Variants in LRP1B observed in about 807,000 individuals in gnomAD.
The protein encoded by LRP1B is LDL receptor related protein 1B.
LRP1B carries 217 observed loss-of-function variants against 556.6 expected under a neutral mutation model. The observed-to-expected ratio is 0.39, with a 90% CI of 0.35 to 0.44. The LOEUF is 0.44. Ranked by LOEUF, LRP1B falls within the 20% of genes least tolerant of loss-of-function variation. LRP1B has a pLI of 1.00. For missense variants in LRP1B, 5,053 were observed against 5,620.8 expected, an observed-to-expected ratio of 0.90 and a Z score of 3.23; for synonymous variants, 2,047 against 1,865.8, an observed-to-expected ratio of 1.10 and a Z score of -2.50.
At chr2:140,331,790 G>C (rs571321452) in intron 79 of LRP1B, among the ~76,000 whole-genome samples, 137 of 151,546 alleles carry the variant, frequency 9.0e-4, no homozygotes, top group Admixed American at 3.0e-3. Context: ...CCGCCTCCTG[G>C]GTTCAAGCAA....
intron 35 of LRP1B, among the ~76,000 whole-genome samples, chr2:140,735,228 A>G (rs1687907401): frequency 6.6e-6 from 1 of 152,186 alleles, no homozygotes; most frequent in Non-Finnish European, 1.5e-5. Context: ...GCTAAGGGGG[A>G]ACATCCTTGC....
At chr2:142,100,764 A>C (rs1706542176) in intron 1 of LRP1B, among the ~76,000 whole-genome samples, 1 of 151,994 alleles carries the variant, frequency 6.6e-6, no homozygotes, top group African/African-American at 2.4e-5. Flanking sequence ...AAGCTGCTTT[A>C]AGGATTCTTT....
At chr2:141,082,684 G>A (rs1197152775) in intron 7 of LRP1B, among the ~76,000 whole-genome samples, 1 of 152,222 alleles carries the variant, frequency 6.6e-6, no homozygotes, top group African/African-American at 2.4e-5. Context: ...ATGATCAGGT[G>A]TGGCAGTAAG....
intron 41 of LRP1B, among the ~76,000 whole-genome samples, chr2:140,693,447 A>G (rs1176535357): frequency 6.6e-6 from 1 of 151,926 alleles, no homozygotes; most frequent in Non-Finnish European, 1.5e-5. Flanking sequence ...CCTTCGAAGG[A>G]TCTAGAACAA....
At chr2:140,454,606 G>A (rs1298833486) in intron 62 of LRP1B, among the ~76,000 whole-genome samples, 1 of 151,976 alleles carries the variant, frequency 6.6e-6, no homozygotes, top group Non-Finnish European at 1.5e-5. Flanking sequence ...AGACTATTGG[G>A]GGTATTTAAA....
chr2:141,257,544 CA>C (rs1021973594), intron 3 of LRP1B, among the ~76,000 whole-genome samples: 2 of 152,040 alleles, frequency 1.3e-5, no homozygotes, highest in Non-Finnish European at 2.9e-5. Context: ...AGGAGAAATA[CA>C]AAATGCGGGA....
chr2:140,904,489 A>G (rs1045671184), intron 22 of LRP1B, among the ~76,000 whole-genome samples: 6 of 152,158 alleles, frequency 3.9e-5, no homozygotes, highest in Non-Finnish European at 7.4e-5. Flanking sequence ...ATGAAAATGT[A>G]TCCAGTATGA....
At position 141,544,382 on chromosome 2, in the gene LRP1B, C is replaced by CTTCTTCT. The variant is rs1559131551; in HGVS notation, c.206-63850_206-63849insAGAAGAA. Among the ~76,000 whole-genome samples the CTTCTTCT allele has an allele frequency of 6.1e-5, 4 of 65,738 alleles. 1 individual carries two copies. In the South Asian group the frequency reaches 2.1e-3, roughly 35 times the overall value. 43.1% of individuals were successfully genotyped at this position (65,738 alleles called of 152,430 possible). On this transcript the variant is annotated intron_variant, in intron 2 of 90. Transcript: ENST00000389484. The stretch of plus-strand genomic sequence containing the variant: ...TCTTCTTCTTCTTCTTCTTCTTCTT[C>CTTCTTCT]TCCTCCTCCTCCTCCTCCTCCTCCT...
At chr2:140,469,708 C>G (rs1301929089) in intron 60 of LRP1B, among the ~76,000 whole-genome samples, 4 of 152,114 alleles carry the variant, frequency 2.6e-5, no homozygotes, top group Non-Finnish European at 4.4e-5. Flanking sequence ...TATACTTATG[C>G]TATAACTATT....
intron 20 of LRP1B, among the ~76,000 whole-genome samples, chr2:140,926,243 C>T (rs1694882699): frequency 6.6e-6 from 1 of 152,036 alleles, no homozygotes; most frequent in Non-Finnish European, 1.5e-5. Context: ...TAATAATGCA[C>T]ATACACATCA....
chr2:140,610,063 G>A (rs866210608), intron 41 of LRP1B, among the ~76,000 whole-genome samples: 3 of 144,366 alleles, frequency 2.1e-5, no homozygotes, highest in Non-Finnish European at 4.6e-5. Context: ...TTTTTTTCTT[G>A]ACACATGTAA....
chr2:141,616,293 A>AAT (rs959602373), intron 2 of LRP1B, among the ~76,000 whole-genome samples: 4 of 151,936 alleles, frequency 2.6e-5, no homozygotes, highest in South Asian at 2.1e-4. Context: ...GAAAATAAAA[A>AAT]AAAAAAAAGA....
chr2:141,848,384 C>T (rs1697728106), intron 1 of LRP1B, among the ~76,000 whole-genome samples: 1 of 151,328 alleles, frequency 6.6e-6, no homozygotes, highest in African/African-American at 2.4e-5. Flanking sequence ...GTGAACAAAA[C>T]AGACCATCTG....
chr2:142,028,603 G>C (rs1703584064), intron 1 of LRP1B, among the ~76,000 whole-genome samples: 1 of 151,944 alleles, frequency 6.6e-6, no homozygotes, highest in Admixed American at 6.6e-5. Context: ...TTTCCAGTTT[G>C]AGGGTATTAC....
intron 41 of LRP1B, among the ~76,000 whole-genome samples, chr2:140,638,944 T>C (rs1684174495): frequency 6.6e-6 from 1 of 152,092 alleles, no homozygotes. Context: ...AATATAAAAT[T>C]TCACCATTGT....
intron 35 of LRP1B, among the ~76,000 whole-genome samples, chr2:140,735,364 G>T (rs1559085026): frequency 6.6e-6 from 1 of 152,190 alleles, no homozygotes; most frequent in African/African-American, 2.4e-5. Context: ...ACTGACAGCT[G>T]TTAATAAGCA....
At chr2:141,279,473 A>G (rs997347034) in intron 3 of LRP1B, among the ~76,000 whole-genome samples, 26 of 152,104 alleles carry the variant, frequency 1.7e-4, no homozygotes, top group African/African-American at 6.0e-4. Flanking sequence ...CAATTTAATC[A>G]GTCCTTAGGG....
chr2:141,674,891 A>G (rs562793054), intron 2 of LRP1B, among the ~76,000 whole-genome samples: 1 of 152,156 alleles, frequency 6.6e-6, no homozygotes, highest in Non-Finnish European at 1.5e-5. Flanking sequence ...TTTTGAAAGC[A>G]TGGGGCAATT....
chr2:142,025,510 T>C (rs2105184853), intron 1 of LRP1B, among the ~76,000 whole-genome samples: 1 of 152,228 alleles, frequency 6.6e-6, no homozygotes, highest in East Asian at 1.9e-4. Flanking sequence ...CTTTTGACAA[T>C]AGAATGATAG....
Sources: allele counts gnomAD v4.1 joint callset (sites outside exome capture counted in the v4.1 genomes callset), GRCh38; gene constraint gnomAD v4.1.1; transcripts MANE v1.5; gene names NCBI Gene and HGNC (gene_info 2026-07-23, HGNC 2026-07-21).